ABCA1: variants seen among roughly 807,000 people sequenced by gnomAD.
ABCA1 encodes the protein ATP binding cassette subfamily A member 1, also known as phospholipid-transporting ATPase ABCA1.
A neutral mutation model predicts 262.5 loss-of-function variants in ABCA1; 133 were observed. That is an observed-to-expected ratio of 0.51 (90% CI 0.44 to 0.59). The LOEUF (loss-of-function observed/expected upper bound fraction) is 0.59. Ranked by LOEUF, ABCA1 falls within the 20% of genes least tolerant of loss-of-function variation. The pLI is 0.00. For missense variants in ABCA1, 2,452 were observed against 2,777.5 expected (o/e 0.88, Z 2.63); for synonymous variants, 1,022 against 1,043.5 (o/e 0.98, Z 0.40).
intron 9 of ABCA1, among the ~76,000 whole-genome samples, chr9:104,838,542 G>A (rs1188756581): frequency 4.6e-5 from 7 of 150,556 alleles, no homozygotes; most frequent in Non-Finnish European, 7.4e-5. Context: ...GCGTGAACCC[G>A]GGAGGCGGAG....
chr9:104,821,862 G>A (rs1317779673), intron 19 of ABCA1, among the ~76,000 whole-genome samples: 1 of 152,132 alleles, frequency 6.6e-6, no homozygotes, highest in Non-Finnish European at 1.5e-5. Context: ...TTTGTGTTAG[G>A]TAGTAGGATT....
At chr9:104,851,218 G>C (rs1441708493) in intron 7 of ABCA1, among the ~76,000 whole-genome samples, 1 of 152,118 alleles carries the variant, frequency 6.6e-6, no homozygotes, top group African/African-American at 2.4e-5. Context: ...CTGCTCCAAA[G>C]GCCATTCACA....
At position 104,884,546 on chromosome 9, in the gene ABCA1, C is replaced by T. The variant is rs764408074; in HGVS notation, c.183G>A (p.Met61Ile). The T allele has an allele frequency of 6.2e-7, 1 of 1,614,178 alleles. No individual in the cohort carries two copies. Among genetic ancestry groups the T allele is most frequent in the Non-Finnish European group, 8.5e-7 (1 of 1,180,024 alleles). The change falls in exon 4 of 50, where the codon ATG becomes ATA. Residue 61 changes from methionine (M) to isoleucine (I), a missense_variant. Physicochemically the swap from Met to Ile is conservative, Grantham distance 10. Transcript: ENST00000374736. ...CCCAAGGAAGTGTTCCTGCAGAGGG[C>T]ATGGCTTTATTTGGAAAATGGCCTG... ...QHECHFPNKA[M>I]PSAGTLPWVQ...
At chr9:104,858,500 T>C (rs745400051) in intron 7 of ABCA1, 22 bp downstream of exon 7, 2 of 1,611,890 alleles carry the variant, frequency 1.2e-6, no homozygotes, top group Non-Finnish European at 1.7e-6. Context: ...TTGAAGTTTC[T>C]CCAGTGAGCA....
At chr9:104,840,658 A>T (rs961329771) in intron 8 of ABCA1, 139 bp from the exon 9 acceptor site, 5 of 935,910 alleles carry the variant, frequency 5.3e-6, no homozygotes, top group Non-Finnish European at 7.8e-6. Flanking sequence ...ATTTTGTCTG[A>T]TGTCATCTCA....
rs1831517921 is a variant in ABCA1, at chr9:104,814,117, C to G, written c.3901+1G>C. 2 of 1,614,038 alleles carry G rather than the reference C, an allele frequency of 1.2e-6. No homozygotes were observed. Among genetic ancestry groups the G allele is most frequent in the Non-Finnish European group, 1.7e-6 (2 of 1,179,972 alleles). ...CACTGTTTGATCTTGCCCTAACAGA[C>G]CTGGGTCTATGTCAGAATCATTTGG... On this transcript the variant is annotated splice_donor_variant, in intron 27 of 49. Coordinates refer to ENST00000374736, the MANE Select transcript of ABCA1 (RefSeq NM_005502.4). LOFTEE classifies it high-confidence loss of function.
chr9:104,788,994 A>G (rs1015043281), intron 44 of ABCA1, among the ~76,000 whole-genome samples: 2 of 152,222 alleles, frequency 1.3e-5, no homozygotes, highest in Non-Finnish European at 2.9e-5. Flanking sequence ...CACAGAACCT[A>G]GAGACACAAT....
chr9:104,859,171 C>G (rs1392970385), intron 6 of ABCA1, among the ~76,000 whole-genome samples: 1 of 152,162 alleles, frequency 6.6e-6, no homozygotes, highest in East Asian at 1.9e-4. Flanking sequence ...AACTAAGACA[C>G]AGAACTATGT....
chr9:104,833,050 A>C lies in ABCA1; in HGVS notation c.1312-279T>G, dbSNP rs540794563. 5.9e-5 allele frequency among the ~76,000 whole-genome samples: 9 copies of C among 152,358 alleles called. No homozygotes were observed. The East Asian group carries it at 1.7e-3, about 29-fold the overall frequency. On this transcript the variant is annotated intron_variant, in intron 11 of 49. Transcript: ENST00000374736. ...GAGTCCATGTGCTTTCCACTATACG[A>C]AACATCTCACTTAATGGTATTAACT... is the stretch of plus-strand genomic sequence containing the variant.
intron 3 of ABCA1, among the ~76,000 whole-genome samples, chr9:104,888,077 G>A (rs574036138): frequency 1.3e-5 from 2 of 152,002 alleles, no homozygotes; most frequent in South Asian, 4.2e-4. Flanking sequence ...GTGTGTGTGT[G>A]TGTGTGTGTG....
chr9:104,870,380 GGGTGAGCAGAGC>G (rs1219835847), intron 5 of ABCA1, among the ~76,000 whole-genome samples: 2 of 152,252 alleles, frequency 1.3e-5, no homozygotes, highest in African/African-American at 4.8e-5. Flanking sequence ...CCAGAGGGTC[GGGTGAGCAGAGC>G]GGTGAGCCTC....
intron 5 of ABCA1, among the ~76,000 whole-genome samples, chr9:104,876,529 G>C (rs552867920): frequency 6.6e-6 from 1 of 152,306 alleles, no homozygotes; most frequent in South Asian, 2.1e-4. Context: ...CAGGCCTTGG[G>C]ACCAAGTGGA....
intron 2 of ABCA1, among the ~76,000 whole-genome samples, chr9:104,897,939 CAG>C (rs1201954008): frequency 2.0e-5 from 3 of 152,208 alleles, no homozygotes. Flanking sequence ...ATCTGTGAAA[CAG>C]AAATTGCAAC....
At chr9:104,912,442 C>T (rs1293248001) in intron 1 of ABCA1, among the ~76,000 whole-genome samples, 1 of 152,152 alleles carries the variant, frequency 6.6e-6, no homozygotes, top group Non-Finnish European at 1.5e-5. Context: ...AAAGGTTTAA[C>T]TCCATCTATA....
chr9:104,787,918 A>G lies in ABCA1; in HGVS notation c.6204+2T>C. The G allele has an allele frequency of 6.2e-7, 1 of 1,613,914 alleles. No homozygotes were observed. The highest frequency in any genetic ancestry group is 8.5e-7 in the Non-Finnish European group (1 of 1,179,854). The stretch of plus-strand genomic sequence containing the variant: ...CAGTTTTCCATCCACAGTTATACTC[A>G]CCAGAAACACCACAGGAGGCCCGCC... On this transcript the variant is annotated splice_donor_variant, in intron 46 of 49. Transcript: ENST00000374736. LOFTEE classifies it high-confidence loss of function.
chr9:104,830,927 G>A lies in ABCA1; in HGVS notation c.1890C>T (p.Asp630=), dbSNP rs1429043266. The part of the protein sequence containing the change: ...QQMPYPCYVD[D]IFLRVMSRSM... ...ACAGTGGCTTGCAGGTAACTTACAT[G>A]TCATCAACGTAACAGGGATAGGGCA... Residue 630 remains aspartate (D), a splice_region_variant and synonymous_variant, in exon 14 of 50, where the codon GAC becomes GAT. Transcript: ENST00000374736. 1 of 1,613,202 alleles carries A rather than the reference G, an allele frequency of 6.2e-7. No individual in the cohort carries two copies. Among genetic ancestry groups the A allele is most frequent in the Non-Finnish European group, 8.5e-7 (1 of 1,179,864 alleles).
In ABCA1 at chr9:104,829,152, G is replaced by A. The variant is rs978152645; in HGVS notation, c.1893-14C>T. On this transcript the variant is annotated splice_polypyrimidine_tract_variant and intron_variant, in intron 14 of 49. Transcript: ENST00000374736. ...ACCCGCAGAAAGCTGGAGGCCCCAA[G>A]GAAGGACAAGGGGAGAAAGAAAGAC... 2.0e-5 allele frequency: 32 copies of A among 1,613,840 alleles called. No individual in the cohort carries two copies. The highest frequency in any genetic ancestry group is 2.7e-5 in the Non-Finnish European group (32 of 1,179,958).
chr9:104,827,620 T>C (rs572944995), intron 15 of ABCA1, among the ~76,000 whole-genome samples: 2 of 152,176 alleles, frequency 1.3e-5, no homozygotes, highest in African/African-American at 2.4e-5. Flanking sequence ...ATTCCCACAA[T>C]CATCCAAACT....
chr9:104,873,854 C>T (rs1487636561), intron 5 of ABCA1, among the ~76,000 whole-genome samples: 1 of 152,166 alleles, frequency 6.6e-6, no homozygotes, highest in African/African-American at 2.4e-5. Flanking sequence ...GAAACTGAGG[C>T]ACAGAGATGT....
Sources: gnomAD v4.1 joint callset for allele counts (sites outside exome capture counted in the v4.1 genomes callset) on GRCh38, gnomAD v4.1.1 for gene constraint, MANE v1.5 for transcripts, NCBI Gene and HGNC (gene_info 2026-07-23, HGNC 2026-07-21) for gene names.